SH2D4A: variants seen among roughly 807,000 people sequenced by gnomAD.
SH2D4A encodes the protein SH2 domain-containing protein 4A.
Under a neutral mutation model 64.7 loss-of-function variants are expected in SH2D4A, and 70 were observed. That is an observed-to-expected ratio of 1.08 (90% CI 0.89 to 1.32). SH2D4A has a LOEUF of 1.32. Among genes scored for constraint, SH2D4A ranks in the 40% most tolerant of loss-of-function variants. The pLI is 0.00. For missense variants in SH2D4A, 706 were observed against 540.1 expected (o/e 1.31, Z -3.04); for synonymous variants, 268 against 200.7 (o/e 1.34, Z -2.83).
chr8:19,391,996 A>G (rs2053500954), intron 8 of SH2D4A, among the ~76,000 whole-genome samples: 1 of 152,076 alleles, frequency 6.6e-6, no homozygotes, highest in Non-Finnish European at 1.5e-5. Context: ...ATCTCAGCTC[A>G]CTGAATAATT....
chr8:19,343,435 A>G (rs1416162908), intron 4 of SH2D4A, among the ~76,000 whole-genome samples: 1 of 152,162 alleles, frequency 6.6e-6, no homozygotes, highest in Non-Finnish European at 1.5e-5. Context: ...TCTGTCTCCA[A>G]CAAACAAAAA....
At chr8:19,329,357 A>G (rs1488575585) in intron 2 of SH2D4A, among the ~76,000 whole-genome samples, 1 of 152,100 alleles carries the variant, frequency 6.6e-6, no homozygotes, top group East Asian at 1.9e-4. Flanking sequence ...GCATTCCCAT[A>G]GCATCCTTTA....
At chr8:19,389,980 G>C (rs186661292) in intron 8 of SH2D4A, among the ~76,000 whole-genome samples, 43 of 152,340 alleles carry the variant, frequency 2.8e-4, no homozygotes, top group African/African-American at 1.0e-3. Context: ...GAGGGAAGCA[G>C]CACCAATGTG....
intron 1 of SH2D4A, among the ~76,000 whole-genome samples, chr8:19,316,519 T>C (rs7005125): frequency 0.78 from 118,601 of 152,094 alleles, 46,370 homozygotes; most frequent in Middle Eastern, 0.84. Flanking sequence ...CACACCTGGG[T>C]CAGTGTGACA....
At chr8:19,343,093 C>G (rs921892876) in intron 4 of SH2D4A, among the ~76,000 whole-genome samples, 1 of 152,112 alleles carries the variant, frequency 6.6e-6, no homozygotes, top group African/African-American at 2.4e-5. Context: ...GTGCAAATCT[C>G]ATAAACCTCT....
intron 6 of SH2D4A, 29 bp from the exon 7 acceptor site, chr8:19,364,043 G>A (rs776545730): frequency 6.2e-7 from 1 of 1,611,580 alleles, no homozygotes; most frequent in Admixed American, 1.7e-5. Context: ...GGCTGATGAG[G>A]GTTTTCTCCG....
chr8:19,320,484 C>G (rs1302951363), intron 2 of SH2D4A, among the ~76,000 whole-genome samples: 1 of 151,852 alleles, frequency 6.6e-6, no homozygotes. Context: ...ATTAGCTGGG[C>G]ATGGTGGTAC....
chr8:19,317,294 A>G (rs2052104562), intron 1 of SH2D4A, among the ~76,000 whole-genome samples: 1 of 148,800 alleles, frequency 6.7e-6, no homozygotes, highest in Admixed American at 6.8e-5. Context: ...AAATCTTGAC[A>G]AGACATCCAT....
intron 8 of SH2D4A, among the ~76,000 whole-genome samples, chr8:19,384,090 G>T (rs181431479): frequency 6.6e-6 from 1 of 152,242 alleles, no homozygotes; most frequent in East Asian, 1.9e-4. Flanking sequence ...GTGTAACTAA[G>T]CAGCACTTCA....
chr8:19,332,508 C>T (rs1386478704), intron 2 of SH2D4A, among the ~76,000 whole-genome samples: 1 of 151,758 alleles, frequency 6.6e-6, no homozygotes, highest in East Asian at 1.9e-4. Flanking sequence ...GTGGCAGATG[C>T]CTGTAATGGT....
intron 8 of SH2D4A, among the ~76,000 whole-genome samples, chr8:19,378,911 CA>C (rs375441883): frequency 1.8e-3 from 181 of 103,048 alleles, no homozygotes; most frequent in East Asian, 7.2e-3. Context: ...CCCATCTCTC[CA>C]AAAAAAAAAA....
chr8:19,358,952 C>A (rs748742851), intron 5 of SH2D4A, among the ~76,000 whole-genome samples: 1 of 152,342 alleles, frequency 6.6e-6, no homozygotes, highest in South Asian at 2.1e-4. Flanking sequence ...CCCCTCCGCC[C>A]CTCCACTCCA....
At position 19,353,391 on chromosome 8, in the gene SH2D4A, C is replaced by T. The variant is rs561550021; in HGVS notation, c.514-3812C>T. Among the ~76,000 whole-genome samples the T allele has an allele frequency of 4.8e-3, 654 of 136,174 alleles. 5 individuals carry two copies. Among genetic ancestry groups the T allele is most frequent in the Middle Eastern group, 0.03 (7 of 234 alleles). 89.3% of individuals were successfully genotyped at this position (136,174 alleles called of 152,430 possible). A position where few individuals can be genotyped will look rare whatever the true frequency, so the allele number is the denominator to read the frequency against. On this transcript the variant is annotated intron_variant, in intron 4 of 9. Coordinates refer to ENST00000265807, the MANE Select transcript of SH2D4A (RefSeq NM_022071.4). ...TAGTTTTTTTTTTTTTTTTTTGAGA[C>T]GGAGTCTTGCTCTGTCACCTAGGCT...
intron 4 of SH2D4A, among the ~76,000 whole-genome samples, chr8:19,354,105 C>T (rs182211572): frequency 3.3e-5 from 5 of 151,466 alleles, no homozygotes; most frequent in African/African-American, 9.7e-5. Flanking sequence ...ATTCTCCTGT[C>T]TCAGCCTCCC....
intron 2 of SH2D4A, among the ~76,000 whole-genome samples, chr8:19,324,189 C>T (rs1032848483): frequency 6.6e-6 from 1 of 152,166 alleles, no homozygotes; most frequent in Non-Finnish European, 1.5e-5. Context: ...ACAGAAGACG[C>T]CTTCGCTTAG....
Position 19,364,197 on chromosome 8 carries a change from C to T in SH2D4A, c.832C>T (p.Arg278Cys), listed in dbSNP as rs1487441213. The change falls in exon 7 of 10, where the codon CGT becomes TGT. Residue 278 changes from arginine to cysteine, a missense_variant. Physicochemically the swap from Arg to Cys is radical, Grantham distance 180. Coordinates refer to ENST00000265807, the MANE Select transcript of SH2D4A (RefSeq NM_022071.4). The part of the protein sequence containing the change: ...RGGERLQSPL[R>C]VPQKPERPPL... ...CGGTGAGAGGCTGCAAAGCCCCTTG[C>T]GTGTTCCGCAGAAACCAGAAAGACC... 4 of 1,614,056 alleles carry T rather than the reference C, an allele frequency of 2.5e-6. No homozygotes were observed. Among genetic ancestry groups the T allele is most frequent in the African/African-American group, 1.3e-5 (1 of 74,946 alleles).
intron 4 of SH2D4A, among the ~76,000 whole-genome samples, chr8:19,345,250 C>T (rs1201854976): frequency 1.3e-5 from 2 of 152,176 alleles, no homozygotes; most frequent in Admixed American, 1.3e-4. Context: ...TGCAGGCAGC[C>T]ACATGGAGTC....
intron 7 of SH2D4A, among the ~76,000 whole-genome samples, chr8:19,371,139 TTTATA>T (rs1395678210): frequency 6.6e-6 from 1 of 152,148 alleles, no homozygotes; most frequent in East Asian, 1.9e-4. Flanking sequence ...TCTTCATATC[TTTATA>T]TTAAAGATAT....
intron 8 of SH2D4A, among the ~76,000 whole-genome samples, chr8:19,390,404 A>G (rs2053471626): frequency 6.6e-6 from 1 of 152,156 alleles, no homozygotes; most frequent in Non-Finnish European, 1.5e-5. Context: ...CTCAGTAATC[A>G]ATATCTAACA....
Sources: gnomAD v4.1 joint callset for allele counts (sites outside exome capture counted in the v4.1 genomes callset) on GRCh38, gnomAD v4.1.1 for gene constraint, MANE v1.5 for transcripts, NCBI Gene and HGNC (gene_info 2026-07-23, HGNC 2026-07-21) for gene names.